The following PTPRM variants were observed in gnomAD, a reference collection of about 807,000 sequenced individuals.
PTPRM encodes receptor-type tyrosine-protein phosphatase mu.
PTPRM carries 47 observed loss-of-function variants against 186.7 expected under a neutral mutation model. The observed-to-expected ratio is 0.25, with a 90% CI of 0.20 to 0.32. PTPRM has a LOEUF of 0.32. Among genes scored for constraint, PTPRM ranks in the 10% least tolerant of loss-of-function variants. The pLI, the probability that PTPRM is intolerant of heterozygous loss-of-function variation, is 1.00. For missense variants in PTPRM, 1,494 were observed against 1,865.0 expected, an observed-to-expected ratio of 0.80 and a Z score of 3.66; for synonymous variants, 668 against 674.9, an observed-to-expected ratio of 0.99 and a Z score of 0.16.
chr18:8,044,343 C>A (rs1172309550), intron 7 of PTPRM, among the ~76,000 whole-genome samples: 1 of 152,090 alleles, frequency 6.6e-6, no homozygotes, highest in Non-Finnish European at 1.5e-5. Flanking sequence ...CACAAATGCT[C>A]TTTTCTGCAA....
chr18:8,235,453 CTTCTTT>C (rs1452278577), intron 14 of PTPRM, among the ~76,000 whole-genome samples: 9 of 95,842 alleles, frequency 9.4e-5, no homozygotes, highest in African/African-American at 4.0e-4. Flanking sequence ...TAATCTGTGT[CTTCTTT>C]TTTTTTTTTT....
chr18:8,018,603 A>G (rs575575398), intron 7 of PTPRM, among the ~76,000 whole-genome samples: 4 of 152,336 alleles, frequency 2.6e-5, no homozygotes, highest in African/African-American at 9.6e-5. Context: ...GAGGAAAAGT[A>G]TCTGAGTGTA....
intron 29 of PTPRM, among the ~76,000 whole-genome samples, chr18:8,384,098 C>A (rs1412755190): frequency 1.3e-5 from 2 of 152,128 alleles, no homozygotes; most frequent in African/African-American, 4.8e-5. Flanking sequence ...AGTCCAAAAG[C>A]CTACATTGCT....
chr18:8,059,170 A>G (rs1568268741), intron 7 of PTPRM, among the ~76,000 whole-genome samples: 3 of 150,836 alleles, frequency 2.0e-5, no homozygotes, highest in African/African-American at 4.9e-5. Flanking sequence ...GGTCCTTCAC[A>G]TCCCTTGTAA....
chr18:8,008,572 G>A (rs2084327995), intron 7 of PTPRM, among the ~76,000 whole-genome samples: 1 of 152,134 alleles, frequency 6.6e-6, no homozygotes, highest in Non-Finnish European at 1.5e-5. Flanking sequence ...TGTACTTTGG[G>A]TGATGTAGGG....
At chr18:7,960,102 T>A (rs1044262812) in intron 7 of PTPRM, among the ~76,000 whole-genome samples, 6 of 152,192 alleles carry the variant, frequency 3.9e-5, no homozygotes, top group Admixed American at 1.3e-4. Flanking sequence ...GTGTTTTATT[T>A]GGAGATACTT....
At chr18:7,871,542 G>A (rs1205318342) in intron 2 of PTPRM, among the ~76,000 whole-genome samples, 1 of 152,178 alleles carries the variant, frequency 6.6e-6, no homozygotes, top group East Asian at 1.9e-4. Flanking sequence ...CATGCCCAAT[G>A]TCAGTGTCTG....
At position 8,238,663 on chromosome 18, in the gene PTPRM, T is replaced by G. The variant is rs940119549; in HGVS notation, c.2301-5395T>G. Among the ~76,000 whole-genome samples the G allele has an allele frequency of 1.1e-3, 96 of 89,298 alleles. 1 individual carries two copies. The highest frequency in any genetic ancestry group is 2.5e-3 in the African/African-American group (43 of 17,142). 58.6% of individuals were successfully genotyped at this position (89,298 alleles called of 152,430 possible). On this transcript the variant is annotated intron_variant, in intron 14 of 32. Coordinates refer to ENST00000580170, the MANE Select transcript of PTPRM (RefSeq NM_001105244.2). ...CACTGTTTTGTGTGTTTTTTTTTTT[T>G]TTTTTTTTTTTTTTTTTTTTTGCGA... is the stretch of plus-strand genomic sequence containing the variant.
intron 14 of PTPRM, among the ~76,000 whole-genome samples, chr18:8,188,216 C>T (rs1177949722): frequency 1.3e-5 from 2 of 152,162 alleles, no homozygotes; most frequent in Non-Finnish European, 2.9e-5. Flanking sequence ...CAGCGTAAAG[C>T]TAATCACAGT....
chr18:7,572,402 T>C (rs1391705411), intron 1 of PTPRM, among the ~76,000 whole-genome samples: 1 of 152,180 alleles, frequency 6.6e-6, no homozygotes, highest in Non-Finnish European at 1.5e-5. Context: ...ATTTAAGCAA[T>C]TCTGTGACAA....
intron 22 of PTPRM, among the ~76,000 whole-genome samples, chr18:8,321,715 C>A (rs1190433969): frequency 6.6e-6 from 1 of 152,150 alleles, no homozygotes; most frequent in Non-Finnish European, 1.5e-5. Flanking sequence ...CTCAAACTGG[C>A]AGTACTAACA....
rs143024897 is a variant in PTPRM at position 7,773,780 on chromosome 18, A to T, written c.74-369A>T. On this transcript the variant is annotated intron_variant, in intron 1 of 32. Transcript: ENST00000580170. ...ATTTTTGTAGAGATAGGGTTTCACC[A>T]TGTTGGCCAGGCTGGCCTCGAACTC... is the stretch of plus-strand genomic sequence containing the variant. 4.5e-3 allele frequency among the ~76,000 whole-genome samples: 685 copies of T among 152,114 alleles called. 5 individuals are homozygous for T. Among genetic ancestry groups the T allele is most frequent in the African/African-American group, 0.016 (652 of 41,516 alleles).
chr18:8,168,613 G>A (rs545210003), intron 14 of PTPRM, among the ~76,000 whole-genome samples: 1 of 152,148 alleles, frequency 6.6e-6, no homozygotes, highest in African/African-American at 2.4e-5. Flanking sequence ...CTAAAGTTCT[G>A]TTTATAAGTG....
At chr18:8,186,721 C>T (rs566851787) in intron 14 of PTPRM, among the ~76,000 whole-genome samples, 2 of 152,172 alleles carry the variant, frequency 1.3e-5, no homozygotes, top group Non-Finnish European at 2.9e-5. Flanking sequence ...TCAGGCACAG[C>T]GCAAGGTGAC....
chr18:7,704,518 A>G (rs1477339032), intron 1 of PTPRM, among the ~76,000 whole-genome samples: 1 of 152,106 alleles, frequency 6.6e-6, no homozygotes, highest in African/African-American at 2.4e-5. Context: ...CAGGGGTGAT[A>G]TTCGCTTTAT....
intron 14 of PTPRM, among the ~76,000 whole-genome samples, chr18:8,197,526 T>C (rs770142619): frequency 6.6e-6 from 1 of 152,248 alleles, no homozygotes; most frequent in Non-Finnish European, 1.5e-5. Flanking sequence ...AGAAACAGAA[T>C]TAAGAAGTTG....
intron 23 of PTPRM, among the ~76,000 whole-genome samples, chr18:8,345,864 AG>A (rs1234131287): frequency 6.6e-6 from 1 of 152,150 alleles, no homozygotes; most frequent in Non-Finnish European, 1.5e-5. Flanking sequence ...CAAGCAGGCC[AG>A]ATGTAAGACA....
At chr18:8,189,071 C>T (rs750230484) in intron 14 of PTPRM, among the ~76,000 whole-genome samples, 12 of 151,824 alleles carry the variant, frequency 7.9e-5, no homozygotes, top group Admixed American at 2.6e-4. Context: ...TTTGGGAGGC[C>T]GTGGCAGGAG....
chr18:7,995,747 T>C (rs1252277634), intron 7 of PTPRM: 1 of 152,222 alleles, frequency 6.6e-6, no homozygotes, highest in Non-Finnish European at 1.5e-5. Context: ...CTTGTCTTCC[T>C]CTGGGAGAGT....
Sources: gnomAD v4.1 joint callset for allele counts (sites outside exome capture counted in the v4.1 genomes callset) on GRCh38, gnomAD v4.1.1 for gene constraint, MANE v1.5 for transcripts, NCBI Gene and HGNC (gene_info 2026-07-23, HGNC 2026-07-21) for gene names.